Variants in ADK observed in about 807,000 individuals in gnomAD.
ADK encodes the protein N6,N6-dimethyladenosine kinase.
In ADK, 24 loss-of-function variants were observed where a neutral mutation model predicts 44.7. That is an observed-to-expected ratio of 0.54 (90% confidence interval 0.39 to 0.76). ADK has a LOEUF of 0.76. ADK is among the 30% of genes least tolerant of loss of function. ADK has a pLI of 0.00. For missense variants in ADK, 321 were observed against 425.1 expected, an observed-to-expected ratio of 0.76 and a Z score of 2.15; for synonymous variants, 128 against 142.6, an observed-to-expected ratio of 0.90 and a Z score of 0.73.
chr10:74,655,068 CGCCT>C, intron 9 of ADK: 2 of 239,904 alleles, frequency 8.3e-6, no homozygotes, highest in Non-Finnish European at 1.6e-5. Flanking sequence ...CACCCCGGGC[CGCCT>C]TCCCTTCATC....
chr10:74,476,783 C>T (rs2133329158), intron 6 of ADK, among the ~76,000 whole-genome samples: 1 of 152,200 alleles, frequency 6.6e-6, no homozygotes, highest in East Asian at 1.9e-4. Context: ...AATATTGCTC[C>T]TTTACGGTAG....
chr10:74,279,525 GCCGAGATCGTA>G (rs1237644212), intron 3 of ADK, among the ~76,000 whole-genome samples: 3 of 150,124 alleles, frequency 2.0e-5, no homozygotes, highest in Admixed American at 2.0e-4. Context: ...GTTGCAGTGA[GCCGAGATCGTA>G]CCACTGCACT....
At chr10:74,572,892 T>G (rs867150658) in intron 7 of ADK, among the ~76,000 whole-genome samples, 5 of 152,042 alleles carry the variant, frequency 3.3e-5, no homozygotes, top group Admixed American at 6.5e-5. Flanking sequence ...GTTATTCTAG[T>G]TATATATTCA....
At chr10:74,585,729 T>G (rs1006387205) in intron 7 of ADK, among the ~76,000 whole-genome samples, 1 of 152,220 alleles carries the variant, frequency 6.6e-6, no homozygotes, top group African/African-American at 2.4e-5. Flanking sequence ...GCTTTTCTAT[T>G]CTAACCCGAG....
intron 4 of ADK, among the ~76,000 whole-genome samples, chr10:74,320,230 G>T (rs923511056): frequency 6.6e-6 from 1 of 152,102 alleles, no homozygotes; most frequent in Non-Finnish European, 1.5e-5. Context: ...AGTTTTGTTG[G>T]ATATAGAATT....
At chr10:74,655,893 G>A in intron 9 of ADK, 1 of 651,096 alleles carries the variant, frequency 1.5e-6, no homozygotes, top group South Asian at 1.6e-5. Context: ...TTCTACCCTA[G>A]CTGACCTGAC....
At chr10:74,200,368 C>T (rs1279315514) in intron 1 of ADK, among the ~76,000 whole-genome samples, 1 of 151,456 alleles carries the variant, frequency 6.6e-6, no homozygotes, top group Non-Finnish European at 1.5e-5. Context: ...CCTTTAATCC[C>T]AGCTACTCAG....
At chr10:74,589,240 G>A (rs200831059) in intron 7 of ADK, 42 bp from the exon 8 acceptor site, 40 of 1,584,830 alleles carry the variant, frequency 2.5e-5, no homozygotes, top group South Asian at 7.8e-5. Flanking sequence ...CTTCATTACC[G>A]AGCACTTTAT....
chr10:74,618,929 G>C (rs890373680), intron 9 of ADK, among the ~76,000 whole-genome samples: 6 of 150,892 alleles, frequency 4.0e-5, no homozygotes, highest in African/African-American at 1.5e-4. Context: ...TATCTCTTTA[G>C]ATACTAGAAC....
chr10:74,177,411 C>T (rs768812842), intron 1 of ADK, among the ~76,000 whole-genome samples: 7 of 152,124 alleles, frequency 4.6e-5, no homozygotes, highest in Non-Finnish European at 8.8e-5. Flanking sequence ...CCGAAGGTAC[C>T]ATCTTGTTTC....
intron 4 of ADK, among the ~76,000 whole-genome samples, chr10:74,349,340 A>C (rs1841880634): frequency 6.6e-6 from 1 of 152,202 alleles, no homozygotes; most frequent in Non-Finnish European, 1.5e-5. Flanking sequence ...GGAGAAATAA[A>C]ATCCTTTTCA....
chr10:74,553,193 T>G (rs1256791849), intron 7 of ADK, among the ~76,000 whole-genome samples: 3 of 74,572 alleles, frequency 4.0e-5, no homozygotes, highest in South Asian at 4.5e-4. Flanking sequence ...ACATTGTGTT[T>G]TTTTTTTTTT....
intron 6 of ADK, among the ~76,000 whole-genome samples, chr10:74,470,100 C>T (rs1846510339): frequency 6.7e-6 from 1 of 149,974 alleles, no homozygotes; most frequent in Non-Finnish European, 1.5e-5. Flanking sequence ...TCTGAGCTCA[C>T]TGCAACCTCT....
At chr10:74,218,766 C>T (rs1364242861) in intron 2 of ADK, among the ~76,000 whole-genome samples, 1 of 152,108 alleles carries the variant, frequency 6.6e-6, no homozygotes, top group African/African-American at 2.4e-5. Context: ...TCCAGCCGAA[C>T]TAAGCTTCAT....
intron 7 of ADK, among the ~76,000 whole-genome samples, chr10:74,531,514 G>A (rs1218712999): frequency 6.6e-6 from 1 of 152,152 alleles, no homozygotes; most frequent in Non-Finnish European, 1.5e-5. Context: ...AATTGCTTCA[G>A]TGTTTAATTC....
intron 3 of ADK, among the ~76,000 whole-genome samples, chr10:74,230,477 T>A (rs1309503820): frequency 1.0e-5 from 1 of 100,008 alleles, no homozygotes; most frequent in African/African-American, 4.9e-5. Flanking sequence ...TATATAGTCT[T>A]TTTTTTTTTT....
rs2131835500 is a variant in ADK, at chr10:74,326,476, G to GT, written c.273+11732dup. Among the ~76,000 whole-genome samples, 2 of 151,444 alleles carry GT rather than the reference G, an allele frequency of 1.3e-5. 1 individual carries two copies. Among genetic ancestry groups the GT allele is most frequent in the South Asian group, 4.2e-4 (2 of 4,788 alleles). The stretch of plus-strand genomic sequence containing the variant: ...TAGCTTGGTGTGGTGGTACACACCT[G>GT]TAGTCTGAGCTACTTGGGAGGCCTC... On this transcript the variant is annotated intron_variant, in intron 4 of 10. Coordinates refer to ENST00000539909, the MANE Select transcript of ADK (RefSeq NM_006721.4).
chr10:74,653,076 C>T (rs1854331873), intron 9 of ADK, among the ~76,000 whole-genome samples: 2 of 152,184 alleles, frequency 1.3e-5, no homozygotes, highest in South Asian at 4.1e-4. Flanking sequence ...TTTCCCAGAG[C>T]TGTGTCTTTG....
chr10:74,461,971 G>T (rs542655216), intron 6 of ADK, among the ~76,000 whole-genome samples: 1 of 151,994 alleles, frequency 6.6e-6, no homozygotes, highest in Non-Finnish European at 1.5e-5. Flanking sequence ...GGTTGCATAT[G>T]GTATCTGTTA....
Sources: allele counts gnomAD v4.1 joint callset (sites outside exome capture counted in the v4.1 genomes callset), GRCh38; gene constraint gnomAD v4.1.1; transcripts MANE v1.5; gene names NCBI Gene and HGNC (gene_info 2026-07-23, HGNC 2026-07-21).